Variants in PTCD3 observed in about 807,000 individuals in gnomAD.
PTCD3 encodes the protein small ribosomal subunit protein mS39.
In PTCD3, 89 loss-of-function variants were observed where a neutral mutation model predicts 101.9. The observed-to-expected ratio is 0.87, with a 90% confidence interval of 0.74 to 1.04. PTCD3 has a LOEUF of 1.04. PTCD3 is among the 50% of genes least tolerant of loss of function. PTCD3 has a pLI of 0.00. For missense variants in PTCD3, 870 were observed against 828.2 expected (o/e 1.05, Z -0.62); for synonymous variants, 296 against 278.5 (o/e 1.06, Z -0.63).
chr2:86,131,491 C>A (rs973520990), intron 16 of PTCD3, among the ~76,000 whole-genome samples: 3 of 152,210 alleles, frequency 2.0e-5, no homozygotes, highest in Non-Finnish European at 4.4e-5. Flanking sequence ...GCTGGGATTA[C>A]AGGCCTGAGC....
intron 10 of PTCD3, 38 bp from the exon 11 acceptor site, chr2:86,125,417 T>C (rs1237569560): frequency 6.3e-7 from 1 of 1,579,812 alleles, no homozygotes; most frequent in South Asian, 1.1e-5. Flanking sequence ...ACTTCTTAAG[T>C]AAATGAATTT....
intron 14 of PTCD3, among the ~76,000 whole-genome samples, chr2:86,129,832 CAGGT>C (rs774774114): frequency 1.8e-4 from 27 of 152,080 alleles, no homozygotes; most frequent in Non-Finnish European, 3.5e-4. Context: ...ACATACAAAA[CAGGT>C]AGGGAAAGGA....
intron 22 of PTCD3, 73 bp from the exon 23 acceptor site, chr2:86,136,909 T>C (rs1338776465): frequency 1.3e-6 from 2 of 1,551,214 alleles, no homozygotes; most frequent in Non-Finnish European, 1.8e-6. Context: ...TTACTGAACT[T>C]ACACTGGATC....
In PTCD3 at chr2:86,116,524, C is replaced by A; in HGVS notation, c.241-6C>A. On this transcript the variant is annotated splice_polypyrimidine_tract_variant and splice_region_variant and intron_variant, in intron 4 of 23. Transcript: ENST00000254630. ...ATATAGAAATTGTATTATGTCTTTTCCACAGGATACCACAGCTGTGCCTTA... is the reference window on the plus strand; with the variant it reads ...ATATAGAAATTGTATTATGTCTTTTACACAGGATACCACAGCTGTGCCTTA... 6.2e-7 allele frequency: 1 copy of A among 1,601,294 alleles called. No individual in the cohort carries two copies. Among genetic ancestry groups the A allele is most frequent in the Non-Finnish European group, 8.6e-7 (1 of 1,168,672 alleles).
intron 5 of PTCD3, 133 bp downstream of exon 5, chr2:86,116,731 T>G (rs1271479324): frequency 1.4e-6 from 1 of 705,024 alleles, no homozygotes; most frequent in African/African-American, 1.8e-5. Flanking sequence ...GTGAATCCTT[T>G]ACTACTTTCT....
intron 4 of PTCD3, among the ~76,000 whole-genome samples, chr2:86,114,444 C>G (rs565760970): frequency 6.6e-6 from 1 of 152,284 alleles, no homozygotes. Flanking sequence ...CCCCCACCCC[C>G]ACGCCCGGCT....
At chr2:86,123,619 C>T in intron 8 of PTCD3, 82 bp from the exon 9 acceptor site, 2 of 1,059,774 alleles carry the variant, frequency 1.9e-6, no homozygotes, top group East Asian at 2.6e-5. Flanking sequence ...GTTCCCTTTG[C>T]CTTTCTGATT....
At chr2:86,136,884 C>T in intron 22 of PTCD3, 98 bp from the exon 23 acceptor site, 1 of 1,423,952 alleles carries the variant, frequency 7.0e-7, no homozygotes, top group Non-Finnish European at 9.7e-7. Flanking sequence ...TCCAGAAATA[C>T]TGTTGGGAAT....
Position 86,137,136 on chromosome 2 carries a change from C to T in PTCD3, c.1975C>T (p.Gln659Ter). ...VMSDFAINQE[Q>*]KEALSNLTAL... ...GAGTGATTTTGCAATCAACCAGGAA[C>T]AAAAGTAAGTGGTCACCATGAAGCA... Residue 659 changes from glutamine to a stop codon, truncating the protein, a stop_gained, in exon 23 of 24, where the codon CAA (glutamine) becomes TAA (stop). Transcript: ENST00000254630. LOFTEE classifies it low-confidence loss of function (END_TRUNC). 6.3e-7 allele frequency: 1 copy of T among 1,581,632 alleles called. No homozygotes were observed. Among genetic ancestry groups the T allele is most frequent in the Admixed American group, 1.9e-5 (1 of 53,486 alleles).
chr2:86,111,416 G>A (rs1469875914), intron 4 of PTCD3, among the ~76,000 whole-genome samples: 1 of 151,886 alleles, frequency 6.6e-6, no homozygotes, highest in Non-Finnish European at 1.5e-5. Context: ...GTGAAACCCC[G>A]TCTCTACTGA....
chr2:86,140,524 G>C lies in PTCD3; in HGVS notation c.*2965G>C, dbSNP rs1674665260. ...ATATGCATTAAGTGTAGCAAATCGT[G>C]ATGTAAATTTTTTACTGCTGGTCAT... On this transcript the variant is annotated 3_prime_UTR_variant, in exon 24 of 24. Transcript: ENST00000254630. 6.6e-6 allele frequency: 1 copy of C among 152,132 alleles called. No homozygotes were observed. The highest frequency in any genetic ancestry group is 2.4e-5 in the African/African-American group (1 of 41,420). 9.4% of individuals were successfully genotyped at this position (152,132 alleles called of 1,614,324 possible).
Position 86,137,834 on chromosome 2 carries a change from C to G in PTCD3, c.*275C>G. 1 of 371,432 alleles carries G rather than the reference C, an allele frequency of 2.7e-6. No homozygotes were observed. Among genetic ancestry groups the G allele is most frequent in the Non-Finnish European group, 5.2e-6 (1 of 192,410 alleles). The allele number at this position is 371,432 out of a possible 1,614,324, so 23.0% of individuals were successfully genotyped here. ...ACATGGTGAGGTCCATGGCTCTTGTCATCAGGATAAGCCTGCACACCTAGA... is the reference window on the plus strand; with the variant it reads ...ACATGGTGAGGTCCATGGCTCTTGTGATCAGGATAAGCCTGCACACCTAGA... On this transcript the variant is annotated 3_prime_UTR_variant, in exon 24 of 24. Transcript: ENST00000254630.
At position 86,125,821 on chromosome 2, in the gene PTCD3, A is replaced by T; in HGVS notation, c.892A>T (p.Ile298Phe). ...TGATGTATACACATTTAATGCATTG[A>T]TTGAAGCAACAGTATGTGCGATAAA... The part of the protein sequence containing the change: ...HADVYTFNAL[I>F]EATVCAINEK... Residue 298 changes from isoleucine (I) to phenylalanine (F), a missense_variant, in exon 12 of 24, where the codon ATT (isoleucine) becomes TTT (phenylalanine). Ile to Phe is a conservative substitution (Grantham distance 21, BLOSUM62 0). Transcript: ENST00000254630. 6.2e-7 allele frequency: 1 copy of T among 1,609,436 alleles called. No homozygotes were observed. Among genetic ancestry groups the T allele is most frequent in the South Asian group, 1.1e-5 (1 of 90,886 alleles).
At chr2:86,130,994 T>C in intron 15 of PTCD3, 84 bp from the exon 16 acceptor site, 4 of 1,452,634 alleles carry the variant, frequency 2.8e-6, no homozygotes, top group Non-Finnish European at 3.8e-6. Flanking sequence ...ACCAGTTTTG[T>C]TGGCAGGATT....
chr2:86,132,170 C>T (rs1674504747), intron 16 of PTCD3, 148 bp from the exon 17 acceptor site: 1 of 530,606 alleles, frequency 1.9e-6, no homozygotes, highest in Non-Finnish European at 3.3e-6. Flanking sequence ...GGATTTGTCT[C>T]CCCCCCATTT....
intron 7 of PTCD3, 150 bp from the exon 8 acceptor site, chr2:86,121,329 G>A (rs1469844727): frequency 2.0e-6 from 1 of 491,746 alleles, no homozygotes; most frequent in Non-Finnish European, 3.6e-6. Context: ...AGGTGTTTAA[G>A]TTGACGTTGA....
chr2:86,114,770 C>T (rs760002604), intron 4 of PTCD3, among the ~76,000 whole-genome samples: 13 of 152,138 alleles, frequency 8.5e-5, no homozygotes, highest in Non-Finnish European at 1.3e-4. Context: ...CGTGACCACT[C>T]CCAGGCTAAG....
At position 86,106,310 on chromosome 2, in the gene PTCD3, G is replaced by A; in HGVS notation, c.63G>A (p.Thr21=). 2 of 1,614,046 alleles carry A rather than the reference G, an allele frequency of 1.2e-6. No individual in the cohort carries two copies. The highest frequency in any genetic ancestry group is 1.7e-6 in the Non-Finnish European group (2 of 1,180,004). ...GLRSRLGQPL[T]GRRAGLCEQA... ...GCAGCAGGCTTGGCCAGCCGCTGAC[G>A]GGTCGGCGGGCGGGTTTGTGTGAAC... Residue 21 remains threonine (T), a synonymous_variant, in exon 1 of 24, where the codon ACG becomes ACA. Coordinates refer to ENST00000254630, the MANE Select transcript of PTCD3 (RefSeq NM_017952.6).
chr2:86,123,135 G>T (rs905607538), intron 8 of PTCD3, among the ~76,000 whole-genome samples: 1 of 151,942 alleles, frequency 6.6e-6, no homozygotes, highest in Non-Finnish European at 1.5e-5. Flanking sequence ...GGTGGCACGC[G>T]CCTGTAGTCC....
Sources: gnomAD v4.1 joint callset for allele counts (sites outside exome capture counted in the v4.1 genomes callset) on GRCh38, gnomAD v4.1.1 for gene constraint, MANE v1.5 for transcripts, NCBI Gene and HGNC (gene_info 2026-07-23, HGNC 2026-07-21) for gene names.